TAPBP: variants seen among roughly 807,000 people sequenced by gnomAD.
TAPBP encodes the protein TAP binding protein.
Under a neutral mutation model 45.7 loss-of-function variants are expected in TAPBP, and 38 were observed. The ratio of observed to expected loss-of-function variants is 0.83; its 90% CI spans 0.64 to 1.09. The LOEUF (loss-of-function observed/expected upper bound fraction) is 1.09. TAPBP is among the 50% of genes least tolerant of loss of function. The pLI is 0.00. For synonymous variants in TAPBP, 226 were observed against 254.8 expected, an observed-to-expected ratio of 0.89 and a Z score of 1.08; for missense variants, 513 against 587.3, an observed-to-expected ratio of 0.87 and a Z score of 1.31.
Position 33,300,762 on chromosome 6 carries a change from G to GC in TAPBP, c.*997_*998insG, listed in dbSNP as rs1418207261. 1 of 151,830 alleles carries GC rather than the reference G, an allele frequency of 6.6e-6. No individual in the cohort carries two copies. The highest frequency in any genetic ancestry group is 1.9e-4 in the East Asian group (1 of 5,146). 9.4% of individuals were successfully genotyped at this position (151,830 alleles called of 1,614,324 possible). On this transcript the variant is annotated 3_prime_UTR_variant, in exon 8 of 8. Coordinates refer to ENST00000434618, the MANE Select transcript of TAPBP (RefSeq NM_003190.5). ...GGGCGGATCACCAGGTTAGGAGATCGAGACCATCCTGGCTAACACGGTGAA... is the reference window on the plus strand; with the variant it reads ...GGGCGGATCACCAGGTTAGGAGATCGCAGACCATCCTGGCTAACACGGTGAA...
chr6:33,300,369 T>C lies in TAPBP; in HGVS notation c.*1391A>G, dbSNP rs1183502630. The C allele has an allele frequency of 6.6e-6, 1 of 152,584 alleles. No homozygotes were observed. The highest frequency in any genetic ancestry group is 2.4e-5 in the African/African-American group (1 of 41,466). The allele number at this position is 152,584 out of a possible 1,614,324, so 9.5% of individuals were successfully genotyped here. ...ACAAAATTAAGATGTTAGTACAATATCGTGTTTCGCCGCCGGGCGCGGTGG... is the reference window on the plus strand; with the variant it reads ...ACAAAATTAAGATGTTAGTACAATACCGTGTTTCGCCGCCGGGCGCGGTGG... On this transcript the variant is annotated 3_prime_UTR_variant, in exon 8 of 8. Coordinates refer to ENST00000434618, the MANE Select transcript of TAPBP (RefSeq NM_003190.5).
At position 33,305,180 on chromosome 6, in the gene TAPBP, C is replaced by T; in HGVS notation, c.677G>A (p.Gly226Asp). 6.2e-7 allele frequency: 1 copy of T among 1,614,212 alleles called. No individual in the cohort carries two copies. Among genetic ancestry groups the T allele is most frequent in the Non-Finnish European group, 8.5e-7 (1 of 1,180,046 alleles). ...CCCTTCTTGGGCTGCTGGCATCTGG[C>T]CATTCAGCCCAGGAGTTGCAGCCAG... ...LLLAATPGLN[G>D]QMPAAQEGAV... Residue 226 changes from glycine (G) to aspartate (D), a missense_variant, in exon 4 of 8, where the codon GGC (glycine) becomes GAC (aspartate). Transcript: ENST00000434618. The surrounding 1 kb of genome is among the most constrained non-coding windows in gnomAD (Gnocchi z 4.4).
chr6:33,304,656 A>T lies in TAPBP; in HGVS notation c.869-18T>A. ...GGGGGGTTCTGGGGAAAGAGGACGA[A>T]ATGAGCATAGGGAAATCAGTCCATA... On this transcript the variant is annotated intron_variant, in intron 4 of 7. Coordinates refer to ENST00000434618, the MANE Select transcript of TAPBP (RefSeq NM_003190.5). 1 of 1,545,544 alleles carries T rather than the reference A, an allele frequency of 6.5e-7. No individual in the cohort carries two copies. The highest frequency in any genetic ancestry group is 8.7e-7 in the Non-Finnish European group (1 of 1,151,112).
chr6:33,311,177 G>A (rs951889756), intron 3 of TAPBP, among the ~76,000 whole-genome samples: 4 of 152,144 alleles, frequency 2.6e-5, no homozygotes, highest in African/African-American at 4.8e-5. Context: ...TTAGGTGGGC[G>A]TGGTGGCACA....
chr6:33,301,427 C>A lies in TAPBP; in HGVS notation c.*333G>T, dbSNP rs1263414715. On this transcript the variant is annotated 3_prime_UTR_variant, in exon 8 of 8. Coordinates refer to ENST00000434618, the MANE Select transcript of TAPBP (RefSeq NM_003190.5). The stretch of plus-strand genomic sequence containing the variant: ...CGTCTCTACTAAAAATACAAAAATT[C>A]ACTGGGTGTGGTGGCATGTGCCTGT... 1 of 299,062 alleles carries A rather than the reference C, an allele frequency of 3.3e-6. No homozygotes were observed. Among genetic ancestry groups the A allele is most frequent in the Non-Finnish European group, 6.3e-6 (1 of 159,670 alleles). The allele number at this position is 299,062 out of a possible 1,614,324, so 18.5% of individuals were successfully genotyped here. A position where few individuals can be genotyped will look rare whatever the true frequency, so the allele number is the denominator to read the frequency against.
At chr6:33,303,872 C>A in intron 7 of TAPBP, 83 bp downstream of exon 7, 2 of 1,613,498 alleles carry the variant, frequency 1.2e-6, no homozygotes, top group Non-Finnish European at 8.5e-7. Flanking sequence ...CCTACCACAC[C>A]AGCAGCCTCC....
chr6:33,303,641 A>T, intron 7 of TAPBP: 1 of 1,128,206 alleles, frequency 8.9e-7, no homozygotes, highest in Non-Finnish European at 1.2e-6. Flanking sequence ...AGTTAATTTT[A>T]CCTGTTTCTG....
chr6:33,311,590 T>G (rs1470864130), intron 3 of TAPBP, among the ~76,000 whole-genome samples: 1 of 151,126 alleles, frequency 6.6e-6, no homozygotes, highest in Admixed American at 6.6e-5. Flanking sequence ...GATCACGCCA[T>G]TGCACTCCAG....
rs9280402 is a variant in TAPBP at position 33,310,505 on chromosome 6, C to CA, written c.469+2711dup. Among the ~76,000 whole-genome samples, 290 of 47,496 alleles carry CA rather than the reference C, an allele frequency of 6.1e-3. 1 individual carries two copies. Among genetic ancestry groups the CA allele is most frequent in the East Asian group, 0.016 (28 of 1,698 alleles). The allele number at this position is 47,496 out of a possible 152,430, so 31.2% of individuals were successfully genotyped here. On this transcript the variant is annotated intron_variant, in intron 3 of 7. Coordinates refer to ENST00000434618, the MANE Select transcript of TAPBP (RefSeq NM_003190.5). The stretch of plus-strand genomic sequence containing the variant: ...TGGGCAACAGGGTGAGACTCTGTCT[C>CA]AAAAAAAAAAAAAAAAAAAAAAAAG...
rs1769533646 is a variant in TAPBP, at chr6:33,313,572, C to G, written c.209-95G>C. 6.6e-7 allele frequency: 1 copy of G among 1,521,274 alleles called. No homozygotes were observed. The highest frequency in any genetic ancestry group is 8.8e-7 in the Non-Finnish European group (1 of 1,131,920). 94.2% of individuals were successfully genotyped at this position (1,521,274 alleles called of 1,614,324 possible). A position where few individuals can be genotyped will look rare whatever the true frequency, so the allele number is the denominator to read the frequency against. ...GGGAACTTCAAATGCACAGACTACC[C>G]CGTAGTGAGACTCACTTTACAAAGG... On this transcript the variant is annotated intron_variant, in intron 2 of 7. Transcript: ENST00000434618. This position sits in a 1 kb window ranked among gnomAD's most constrained non-coding sequence, Gnocchi z 7.2.
In TAPBP at chr6:33,313,232, T is replaced by G; in HGVS notation, c.454A>C (p.Ile152Leu). 1 of 1,611,076 alleles carries G rather than the reference T, an allele frequency of 6.2e-7. No individual in the cohort carries two copies. The highest frequency in any genetic ancestry group is 8.5e-7 in the Non-Finnish European group (1 of 1,177,662). Residue 152 changes from isoleucine (I) to leucine (L), a missense_variant, in exon 3 of 8, where the codon ATC becomes CTC. Transcript: ENST00000434618. This position sits in a 1 kb window ranked among gnomAD's most constrained non-coding sequence, Gnocchi z 7.2. ...CCCCAGCTACCTGTTGCCATGGTGA[T>G]GAGAACAGGCTCCTGCTGAGGCTCT... ...QPEPQQEPVL[I>L]TMATVVLTVL...
Position 33,308,513 on chromosome 6 carries a change from T to C in TAPBP, c.470-3126A>G, listed in dbSNP as rs140293654. Among the ~76,000 whole-genome samples, 100 of 152,214 alleles carry C rather than the reference T, an allele frequency of 6.6e-4. 1 individual carries two copies. In the East Asian group the frequency reaches 0.016, roughly 25 times the overall value. On this transcript the variant is annotated intron_variant, in intron 3 of 7. Coordinates refer to ENST00000434618, the MANE Select transcript of TAPBP (RefSeq NM_003190.5). ...TCCTGCACCCTACAAACCAGCCACATAGAACCCCTTTCTTGTGCCTAGTAG... is the reference window on the plus strand; with the variant it reads ...TCCTGCACCCTACAAACCAGCCACACAGAACCCCTTTCTTGTGCCTAGTAG...
At position 33,301,573 on chromosome 6, in the gene TAPBP, CAAAAAAA is replaced by C. The variant is rs11350807; in HGVS notation, c.*180_*186del. ...TGGGCGGAAGAGTGAGACTCCGTCT[CAAAAAAA>C]AAAAAAAAAGAAAAATTATCCCTTA... is the stretch of plus-strand genomic sequence containing the variant. On this transcript the variant is annotated 3_prime_UTR_variant, in exon 8 of 8. Coordinates refer to ENST00000434618, the MANE Select transcript of TAPBP (RefSeq NM_003190.5). 1.9e-5 allele frequency: 8 copies of C among 426,812 alleles called. No individual in the cohort carries two copies. The Admixed American group carries it at 3.7e-4, about 20-fold the overall frequency. The allele number at this position is 426,812 out of a possible 1,614,324, so 26.4% of individuals were successfully genotyped here.
At chr6:33,307,544 G>T (rs1349848220) in intron 3 of TAPBP, among the ~76,000 whole-genome samples, 1 of 151,920 alleles carries the variant, frequency 6.6e-6, no homozygotes, top group Non-Finnish European at 1.5e-5. Context: ...TGGGATTACA[G>T]GCGTCCACAA....
intron 7 of TAPBP, among the ~76,000 whole-genome samples, chr6:33,302,903 A>G (rs9277968): frequency 0.59 from 90,134 of 151,910 alleles, 27,439 homozygotes; most frequent in African/African-American, 0.74. Context: ...TCGGCCTCCC[A>G]AAGTGCAGGG....
chr6:33,313,741 G>A lies in TAPBP; in HGVS notation c.161C>T (p.Pro54Leu), dbSNP rs139155669. The change falls in exon 2 of 8, where the codon CCG (proline) becomes CTG (leucine). Residue 54 changes from proline (P) to leucine (L), a missense_variant. Physicochemically the swap from Pro to Leu is moderately conservative, Grantham distance 98. Coordinates refer to ENST00000434618, the MANE Select transcript of TAPBP (RefSeq NM_003190.5). The surrounding 1 kb of genome is among the most constrained non-coding windows in gnomAD (Gnocchi z 7.2). ...ALLLRQGPGE[P>L]PPRPDLDPEL... ...AGGGTCGAGGTCCGGCCGGGGCGGC[G>A]GTTCCCCCGGTCCCTGGCGCAACAG... 6.8e-6 allele frequency: 11 copies of A among 1,613,610 alleles called. No homozygotes were observed. Among genetic ancestry groups the A allele is most frequent in the Non-Finnish European group, 9.3e-6 (11 of 1,179,994 alleles).
chr6:33,304,948 G>GCCCACCCTCTACCCCTGGAGA (rs759579911), intron 4 of TAPBP, 41 bp downstream of exon 4: 280 of 1,606,342 alleles, frequency 1.7e-4, no homozygotes, highest in Non-Finnish European at 2.0e-4. Context: ...ACAATCCAGT[G>GCCCACCCTCTACCCCTGGAGA]CCCACCCTCT....
chr6:33,311,832 G>C (rs1236721490), intron 3 of TAPBP, among the ~76,000 whole-genome samples: 2 of 152,096 alleles, frequency 1.3e-5, no homozygotes, highest in African/African-American at 2.4e-5. Flanking sequence ...GTCTACATCA[G>C]ATCATCTTTG....
At chr6:33,306,671 C>G (rs1768986257) in intron 3 of TAPBP, among the ~76,000 whole-genome samples, 1 of 152,196 alleles carries the variant, frequency 6.6e-6, no homozygotes, top group Non-Finnish European at 1.5e-5. Flanking sequence ...ATCCCATCAC[C>G]TACCTGTTTA....
Sources: gnomAD v4.1 joint callset for allele counts (sites outside exome capture counted in the v4.1 genomes callset) on GRCh38, gnomAD v4.1.1 for gene constraint, Gnocchi (gnomAD v3.1) non-coding constraint, MANE v1.5 for transcripts, NCBI Gene and HGNC (gene_info 2026-07-23, HGNC 2026-07-21) for gene names.